DYSF: variants seen among roughly 807,000 people sequenced by gnomAD.
The protein encoded by DYSF is dystrophy-associated fer-1-like 1.
DYSF carries 212 observed loss-of-function variants against 274.9 expected under a neutral mutation model. The observed-to-expected ratio is 0.77, with a 90% confidence interval of 0.69 to 0.86. DYSF has a LOEUF of 0.86. Among genes scored for constraint, DYSF ranks in the 40% least tolerant of loss-of-function variants. The probability of loss-of-function intolerance (pLI) is 0.00; values close to 1 mark genes in which losing one functional copy is unlikely to be tolerated. For synonymous variants in DYSF, 1,091 were observed against 1,078.7 expected, an observed-to-expected ratio of 1.01 and a Z score of -0.22; for missense variants, 2,666 against 2,783.2, an observed-to-expected ratio of 0.96 and a Z score of 0.95.
chr2:71,611,498 T>G lies in DYSF; in HGVS notation c.4093T>G (p.Tyr1365Asp), dbSNP rs762449165. The G allele has an allele frequency of 3.0e-5, 49 of 1,614,130 alleles. No homozygotes were observed. The highest frequency in any genetic ancestry group is 4.0e-5 in the Non-Finnish European group (47 of 1,180,032). ...ATGGGGCCTGCGGAACATGAAGAGT[T>G]ACCAGCTGGCCAACATCTCCTCCCC... ...LAWGLRNMKSYQLANISSPSL... is the reference protein window; with the variant it reads ...LAWGLRNMKSDQLANISSPSL... Residue 1365 changes from tyrosine (Y) to aspartate (D), a missense_variant, in exon 38 of 56, where the codon TAC (tyrosine) becomes GAC (aspartate). Physicochemically the swap from Tyr to Asp is radical, Grantham distance 160. Around this residue, in one of 3 missense-constraint regions of DYSF, gnomAD observed 1,460 missense variants for 1,502.1 expected, o/e 0.97. Coordinates refer to ENST00000410020, the MANE Select transcript of DYSF (RefSeq NM_001130987.2).
chr2:71,670,507 C>T (rs1306781702), intron 51 of DYSF, among the ~76,000 whole-genome samples: 2 of 152,226 alleles, frequency 1.3e-5, no homozygotes, highest in Non-Finnish European at 2.9e-5. Context: ...AGGTCACAGT[C>T]CAAGTGTGCC....
chr2:71,625,862 A>G (rs1314093710), intron 41 of DYSF, among the ~76,000 whole-genome samples: 1 of 152,068 alleles, frequency 6.6e-6, no homozygotes, highest in East Asian at 1.9e-4. Flanking sequence ...AATGTCTAGT[A>G]CAACTTTTAT....
chr2:71,597,691 G>A (rs1394322252), intron 32 of DYSF, among the ~76,000 whole-genome samples: 2 of 152,178 alleles, frequency 1.3e-5, no homozygotes, highest in Non-Finnish European at 2.9e-5. Flanking sequence ...TTGTGGCTGG[G>A]TCCCAGGGTG....
At chr2:71,539,812 T>C (rs1210160778) in intron 17 of DYSF, among the ~76,000 whole-genome samples, 2 of 152,188 alleles carry the variant, frequency 1.3e-5, no homozygotes, top group Non-Finnish European at 2.9e-5. Flanking sequence ...TTAGAACAAA[T>C]TGTTTTGAAA....
chr2:71,551,369 C>T (rs1573931415), intron 18 of DYSF, among the ~76,000 whole-genome samples: 1 of 152,226 alleles, frequency 6.6e-6, no homozygotes, highest in African/African-American at 2.4e-5. Flanking sequence ...ACCCAGGCCC[C>T]GTCTCTCTGT....
intron 12 of DYSF, among the ~76,000 whole-genome samples, chr2:71,522,561 G>A (rs111284976): frequency 2.0e-5 from 3 of 152,160 alleles, no homozygotes; most frequent in African/African-American, 4.8e-5. Flanking sequence ...TGTCCTGCCC[G>A]TCACTGTTGA....
chr2:71,638,742 A>T (rs2094444536), intron 41 of DYSF, among the ~76,000 whole-genome samples: 1 of 152,230 alleles, frequency 6.6e-6, no homozygotes, highest in Non-Finnish European at 1.5e-5. Flanking sequence ...GTTGATTCAT[A>T]TCTGAGTCTT....
rs757722786 is a variant in DYSF, at chr2:71,667,535, G to C, written c.5457+20G>C. The C allele has an allele frequency of 6.2e-7, 1 of 1,613,698 alleles. No homozygotes were observed. Among genetic ancestry groups the C allele is most frequent in the South Asian group, 1.1e-5 (1 of 91,056 alleles). ...GAGCAGGTAGGACCTTGACCCTTGG[G>C]TCCCAGAGTCCTCGAACTCCAGAAA... On this transcript the variant is annotated intron_variant, in intron 48 of 55. Coordinates refer to ENST00000410020, the MANE Select transcript of DYSF (RefSeq NM_001130987.2).
At chr2:71,520,594 G>T (rs566569773) in intron 11 of DYSF, among the ~76,000 whole-genome samples, 195 bp from the exon 12 acceptor site, 2 of 152,294 alleles carry the variant, frequency 1.3e-5, no homozygotes, top group Admixed American at 1.3e-4. Flanking sequence ...TCTTACAGGC[G>T]TTTCTGTTAA....
Position 71,665,146 on chromosome 2 carries a change from T to A in DYSF, c.5175-16T>A. ...TCCTTGAAGCATCTCATCTATGTCT[T>A]GTGCTTGCTCCTCAGCTCTGGACCG... On this transcript the variant is annotated splice_polypyrimidine_tract_variant and intron_variant, in intron 46 of 55. Transcript: ENST00000410020. 2 of 1,613,322 alleles carry A rather than the reference T, an allele frequency of 1.2e-6. No individual in the cohort carries two copies. Among genetic ancestry groups the A allele is most frequent in the Non-Finnish European group, 1.7e-6 (2 of 1,180,012 alleles).
rs1461796591 is a variant in DYSF at position 71,535,071 on chromosome 2, C to T, written c.1431C>T (p.Asn477=). The T allele has an allele frequency of 6.2e-7, 1 of 1,614,130 alleles. No individual in the cohort carries two copies. Among genetic ancestry groups the T allele is most frequent in the Non-Finnish European group, 8.5e-7 (1 of 1,180,012 alleles). ...EKTANPQWNQ[N]ITLPAMFPSM... Reference sequence around the variant, plus strand: ...CGGCCAACCCTCAGTGGAACCAGAACATCACACTGCCTGCCATGGTGAGCC... The same window carrying T: ...CGGCCAACCCTCAGTGGAACCAGAATATCACACTGCCTGCCATGGTGAGCC... The change falls in exon 15 of 56, where the codon AAC becomes AAT. Residue 477 remains asparagine (N), a synonymous_variant. Transcript: ENST00000410020.
chr2:71,577,901 CG>C lies in DYSF; in HGVS notation c.3402+3533del, dbSNP rs1240532657. ...TGTCCTGAGAGCTGGTCTTTGCCCA[CG>C]GGTCCCTGATGCCTGGTGATTCATT... On this transcript the variant is annotated intron_variant, in intron 30 of 55. Coordinates refer to ENST00000410020, the MANE Select transcript of DYSF (RefSeq NM_001130987.2). Among the ~76,000 whole-genome samples the C allele has an allele frequency of 2.0e-5, 3 of 152,254 alleles. No homozygotes were observed. The East Asian group carries it at 5.8e-4, about 29-fold the overall frequency.
At chr2:71,612,043 C>CA (rs1261575155) in intron 38 of DYSF, among the ~76,000 whole-genome samples, 4 of 152,168 alleles carry the variant, frequency 2.6e-5, no homozygotes, top group African/African-American at 9.7e-5. Context: ...TCAGGCCCTC[C>CA]AGGCCTCTCC....
chr2:71,501,911 C>G (rs2085010754), intron 3 of DYSF, among the ~76,000 whole-genome samples: 1 of 152,054 alleles, frequency 6.6e-6, no homozygotes, highest in Non-Finnish European at 1.5e-5. Context: ...GGGTATATAA[C>G]TAGAAGTGGA....
chr2:71,664,327 A>G lies in DYSF; in HGVS notation c.5063A>G (p.Asp1688Gly), dbSNP rs1449452722. Reference sequence around the variant, plus strand: ...AAGGACCTAAAGATCACTCTCTATGACTATGACCTCCTCTCCAAGGACGAA... The same window carrying G: ...AAGGACCTAAAGATCACTCTCTATGGCTATGACCTCCTCTCCAAGGACGAA... ...LEKDLKITLY[D>G]YDLLSKDEKI... Residue 1688 changes from aspartate (D) to glycine (G), a missense_variant, in exon 46 of 56, where the codon GAC becomes GGC. Transcript: ENST00000410020. The G allele has an allele frequency of 3.1e-6, 5 of 1,614,152 alleles. No individual in the cohort carries two copies. Among genetic ancestry groups the G allele is most frequent in the South Asian group, 1.1e-5 (1 of 91,080 alleles).
In DYSF at chr2:71,481,986, G is replaced by T. The variant is rs370433490; in HGVS notation, c.239+16G>T. On this transcript the variant is annotated intron_variant, in intron 3 of 55. Transcript: ENST00000410020. ...GGAGGAACAGGTAAGGTGGCCAGAGGGGGGTGCTCCATGGCTTGAAGGTGC... is the reference window on the plus strand; with the variant it reads ...GGAGGAACAGGTAAGGTGGCCAGAGTGGGGTGCTCCATGGCTTGAAGGTGC... The T allele has an allele frequency of 1.9e-6, 3 of 1,609,238 alleles. No individual in the cohort carries two copies. Among genetic ancestry groups the T allele is most frequent in the African/African-American group, 1.3e-5 (1 of 74,928 alleles).
At chr2:71,617,403 G>A (rs898427164) in intron 40 of DYSF, among the ~76,000 whole-genome samples, 10 of 152,326 alleles carry the variant, frequency 6.6e-5, no homozygotes, top group African/African-American at 2.4e-4. Flanking sequence ...AAGCAACCAG[G>A]GAAGCTTCTC....
intron 24 of DYSF, among the ~76,000 whole-genome samples, chr2:71,567,002 T>C (rs2092148482): frequency 6.6e-6 from 1 of 152,196 alleles, no homozygotes. Context: ...ACCCGTTTTC[T>C]CACTTGGCTA....
rs545134825 is a variant in DYSF, at chr2:71,682,561, T to A, written c.6205T>A (p.Ser2069Thr). 2 of 1,614,052 alleles carry A rather than the reference T, an allele frequency of 1.2e-6. No individual in the cohort carries two copies. Among genetic ancestry groups the A allele is most frequent in the South Asian group, 2.2e-5 (2 of 91,062 alleles). ...CGACACCTCCTTCCTGTGGTTTACC[T>A]CCCCATACAAGACCATGAAGTTCAT... ...RPDTSFLWFT[S>T]PYKTMKFILW... The change falls in exon 55 of 56, where the codon TCC (serine) becomes ACC (threonine). Residue 2069 changes from serine to threonine, a missense_variant. Transcript: ENST00000410020.
Sources: allele counts gnomAD v4.1 joint callset (sites outside exome capture counted in the v4.1 genomes callset), GRCh38; gene constraint gnomAD v4.1.1; regional missense constraint gnomAD v4.1.1; transcripts MANE v1.5; gene names NCBI Gene and HGNC (gene_info 2026-07-23, HGNC 2026-07-21).